The following ZFHX3 variants were observed in gnomAD, a reference collection of about 807,000 sequenced individuals.
ZFHX3 encodes the protein zinc finger homeobox 3, also known as zinc finger homeobox protein 3.
ZFHX3 carries 42 observed loss-of-function variants against 279.1 expected under a neutral mutation model. The observed-to-expected ratio is 0.15, with a 90% CI of 0.12 to 0.19. The LOEUF is 0.19. Ranked by LOEUF, ZFHX3 falls within the 10% of genes least tolerant of loss-of-function variation. ZFHX3 has a pLI of 1.00. For synonymous variants in ZFHX3, 2,293 were observed against 1,957.8 expected (o/e 1.17, Z -4.52); for missense variants, 4,981 against 4,754.0 (o/e 1.05, Z -1.40).
rs572861689 is a variant in ZFHX3, at chr16:72,880,086, G to A, written c.3448+9645C>T. On this transcript the variant is annotated intron_variant, in intron 4 of 9. Transcript: ENST00000268489. ...CATGCCAAGGCCAGCACTGAGAACC[G>A]TGTGCTGCGAGCAGGAAACCAGAGA... 3.9e-5 allele frequency among the ~76,000 whole-genome samples: 6 copies of A among 152,266 alleles called. No homozygotes were observed. The East Asian group carries it at 9.7e-4, about 25-fold the overall frequency.
At chr16:73,877,189 C>T (rs1374061582) in intron 1 of ZFHX3, among the ~76,000 whole-genome samples, 2 of 47,408 alleles carry the variant, frequency 4.2e-5, no homozygotes, top group Admixed American at 2.3e-4. Flanking sequence ...TGGTTGGGTT[C>T]GGGGGGTTAG....
At chr16:73,030,024 T>A (rs775507610) in intron 1 of ZFHX3, among the ~76,000 whole-genome samples, 9 of 152,182 alleles carry the variant, frequency 5.9e-5, no homozygotes, top group Non-Finnish European at 1.0e-4. Flanking sequence ...TTTTAATAAG[T>A]GATAAATACT....
intron 1 of ZFHX3, among the ~76,000 whole-genome samples, chr16:73,730,352 CAAAAAAA>C (rs66477968): frequency 7.1e-4 from 58 of 81,160 alleles, no homozygotes; most frequent in South Asian, 6.4e-3. Flanking sequence ...CCTCCCCTCG[CAAAAAAA>C]AAAAAAAAAA....
In ZFHX3 at chr16:72,796,074, C is replaced by G. The variant is rs200698025; in HGVS notation, c.6608G>C (p.Arg2203Pro). Residue 2203 changes from arginine (R) to proline (P), a missense_variant, in exon 9 of 10, where the codon CGT becomes CCT. Transcript: ENST00000268489. ...GAAGTTGTAAGGGGAGTCCTTGTTACGCTGCCTCTCTTTGAAGAGAGTGTT... is the reference window on the plus strand; with the variant it reads ...GAAGTTGTAAGGGGAGTCCTTGTTAGGCTGCCTCTCTTTGAAGAGAGTGTT... ...FRNTLFKERQ[R>P]NKDSPYNFSN... The G allele has an allele frequency of 6.2e-7, 1 of 1,614,208 alleles. No individual in the cohort carries two copies.
At chr16:73,422,791 A>G (rs11645128) in intron 3 of ZFHX3, among the ~76,000 whole-genome samples, 62,014 of 152,094 alleles carry the variant, frequency 0.41, 13,351 homozygotes, top group Non-Finnish European at 0.48. Context: ...ATTGAATACT[A>G]TGGATTTGAA....
chr16:72,992,108 A>C (rs1407505800), intron 1 of ZFHX3, among the ~76,000 whole-genome samples: 1 of 152,220 alleles, frequency 6.6e-6, no homozygotes, highest in African/African-American at 2.4e-5. Context: ...TTTCTCACAT[A>C]GTCAACCATT....
chr16:72,807,811 TC>T (rs2036315904), intron 7 of ZFHX3: 1 of 152,120 alleles, frequency 6.6e-6, no homozygotes, highest in African/African-American at 2.4e-5. Context: ...CTTTTCCTAT[TC>T]TGCAGCCAAT....
At chr16:72,998,951 T>G (rs769483753) in intron 1 of ZFHX3, among the ~76,000 whole-genome samples, 7 of 152,196 alleles carry the variant, frequency 4.6e-5, no homozygotes, top group Non-Finnish European at 5.9e-5. Flanking sequence ...TCATAACCCT[T>G]TAACTTGAAA....
intron 1 of ZFHX3, among the ~76,000 whole-genome samples, chr16:73,716,674 A>C (rs2053419359): frequency 6.7e-6 from 1 of 150,088 alleles, no homozygotes. Flanking sequence ...CACAGACCTA[A>C]CCGCCCTCCT....
intron 3 of ZFHX3, among the ~76,000 whole-genome samples, chr16:72,901,660 A>C (rs867814492): frequency 6.6e-5 from 10 of 152,192 alleles, no homozygotes; most frequent in South Asian, 2.1e-4. Context: ...GTTTTCTGGA[A>C]GGTTGAAAGA....
At chr16:72,967,595 A>T (rs1418202046) in intron 1 of ZFHX3, among the ~76,000 whole-genome samples, 2 of 152,100 alleles carry the variant, frequency 1.3e-5, no homozygotes, top group African/African-American at 4.8e-5. Flanking sequence ...TCAGGGAAGA[A>T]TCAATGGGTA....
chr16:72,855,470 G>A (rs2037733076), intron 4 of ZFHX3, among the ~76,000 whole-genome samples: 1 of 152,340 alleles, frequency 6.6e-6, no homozygotes, highest in Admixed American at 6.5e-5. Flanking sequence ...AAAGATGGCA[G>A]GCAGATGAAG....
chr16:73,517,094 G>A (rs1177020450), intron 2 of ZFHX3, among the ~76,000 whole-genome samples: 2 of 152,088 alleles, frequency 1.3e-5, no homozygotes, highest in Non-Finnish European at 2.9e-5. Flanking sequence ...AGGCTGAGCG[G>A]GTCTGTTTTC....
At chr16:73,508,890 C>G (rs924635008) in intron 2 of ZFHX3, among the ~76,000 whole-genome samples, 3 of 152,194 alleles carry the variant, frequency 2.0e-5, no homozygotes, top group African/African-American at 7.2e-5. Context: ...TCTGTGATGT[C>G]TTTTGAATCA....
chr16:72,843,044 G>T (rs979659109), intron 4 of ZFHX3, among the ~76,000 whole-genome samples: 7 of 152,216 alleles, frequency 4.6e-5, no homozygotes, highest in Admixed American at 2.6e-4. Context: ...CAAACACAAA[G>T]AGAGCATAAA....
intron 1 of ZFHX3, among the ~76,000 whole-genome samples, chr16:73,890,024 C>T (rs762318595): frequency 1.3e-5 from 2 of 152,022 alleles, no homozygotes; most frequent in Admixed American, 6.5e-5. Flanking sequence ...AGGGTTATTG[C>T]ACACATAACA....
At chr16:72,971,878 A>ATTTTTT (rs34508228) in intron 1 of ZFHX3, among the ~76,000 whole-genome samples, 11 of 95,466 alleles carry the variant, frequency 1.2e-4, no homozygotes, top group Admixed American at 3.7e-4. Flanking sequence ...CTGCCTATTA[A>ATTTTTT]TTTTTTTTTT....
chr16:72,998,875 C>T (rs999686142), intron 1 of ZFHX3, among the ~76,000 whole-genome samples: 2 of 152,212 alleles, frequency 1.3e-5, no homozygotes, highest in African/African-American at 2.4e-5. Flanking sequence ...TCTGGTCCAT[C>T]AGATCGTCTC....
intron 2 of ZFHX3, among the ~76,000 whole-genome samples, chr16:73,625,783 G>T (rs1597034375): frequency 6.6e-6 from 1 of 152,320 alleles, no homozygotes; most frequent in African/African-American, 2.4e-5. Context: ...TGCTGATGTT[G>T]GTGGTCCCAG....
Sources: gnomAD v4.1 joint callset for allele counts (sites outside exome capture counted in the v4.1 genomes callset) on GRCh38, gnomAD v4.1.1 for gene constraint, MANE v1.5 for transcripts, NCBI Gene and HGNC (gene_info 2026-07-23, HGNC 2026-07-21) for gene names.